Variants in AP1G2 observed in about 807,000 individuals in gnomAD.
AP1G2 encodes the protein adaptor related protein complex 1 subunit gamma 2.
In AP1G2, 85 loss-of-function variants were observed where a neutral mutation model predicts 95.8. The observed-to-expected ratio is 0.89, with a 90% CI of 0.74 to 1.06. The LOEUF (loss-of-function observed/expected upper bound fraction) is 1.06, where lower values mean the gene tolerates loss of function less well. Ranked by LOEUF, AP1G2 falls within the 50% of genes least tolerant of loss-of-function variation. AP1G2 has a pLI of 0.00. For synonymous variants in AP1G2, 378 were observed against 400.0 expected (o/e 0.94, Z 0.66); for missense variants, 967 against 1,005.8 (o/e 0.96, Z 0.52).
At position 23,562,486 on chromosome 14, in the gene AP1G2, C is replaced by T; in HGVS notation, c.1500+18G>A. ...CCCTGACAAGTCCCTCCTCAGTGTA[C>T]CCCCAATGAGGTCTCACCTGAAGGG... On this transcript the variant is annotated intron_variant, in intron 15 of 21. Coordinates refer to ENST00000397120, the MANE Select transcript of AP1G2 (RefSeq NM_003917.5). 2 of 1,081,368 alleles carry T rather than the reference C, an allele frequency of 1.8e-6. No homozygotes were observed. Among genetic ancestry groups the T allele is most frequent in the Non-Finnish European group, 2.6e-6 (2 of 778,482 alleles). The allele number at this position is 1,081,368 out of a possible 1,614,324, so 67.0% of individuals were successfully genotyped here. A position where few individuals can be genotyped will look rare whatever the true frequency, so the allele number is the denominator to read the frequency against.
At position 23,567,047 on chromosome 14, in the gene AP1G2, G is replaced by A. The variant is rs1409390742; in HGVS notation, c.204+64C>T. ...AAAACCAGGGCATAAACAGGTGAGAGAGTCTGGGACTCTGCCCCACTAGCC... is the reference window on the plus strand; with the variant it reads ...AAAACCAGGGCATAAACAGGTGAGAAAGTCTGGGACTCTGCCCCACTAGCC... On this transcript the variant is annotated intron_variant, in intron 2 of 21. Transcript: ENST00000397120. This position sits in a 1 kb window ranked among gnomAD's most constrained non-coding sequence, Gnocchi z 5.3. 40 of 1,511,098 alleles carry A rather than the reference G, an allele frequency of 2.6e-5. No homozygotes were observed. In the Middle Eastern group the frequency reaches 8.6e-4, roughly 33 times the overall value. 93.6% of individuals were successfully genotyped at this position (1,511,098 alleles called of 1,614,324 possible).
At chr14:23,563,954 C>T in intron 11 of AP1G2, 92 bp downstream of exon 11, 1 of 1,602,202 alleles carries the variant, frequency 6.2e-7, no homozygotes, top group Non-Finnish European at 8.5e-7. Context: ...CCTTAGTCCC[C>T]TTACTCCAGC....
At chr14:23,560,439 C>T (rs1883678366) in intron 19 of AP1G2, 21 bp from the exon 20 acceptor site, 1 of 1,606,096 alleles carries the variant, frequency 6.2e-7, no homozygotes, top group Non-Finnish European at 8.5e-7. Context: ...GAGACAGAAG[C>T]AGCTCAGTGT....
Position 23,567,680 on chromosome 14 carries a change from C to A in AP1G2, c.-6+59G>T. The A allele has an allele frequency of 1.1e-6, 1 of 929,750 alleles. No individual in the cohort carries two copies. Among genetic ancestry groups the A allele is most frequent in the Non-Finnish European group, 1.3e-6 (1 of 771,814 alleles). The allele number at this position is 929,750 out of a possible 1,614,324, so 57.6% of individuals were successfully genotyped here. The stretch of plus-strand genomic sequence containing the variant: ...TTCCGCGAGCTTCCTCCCCCGATTT[C>A]CATCTCAGGCAGCGGCAGCGGCAGC... On this transcript the variant is annotated intron_variant, in intron 1 of 21. Coordinates refer to ENST00000397120, the MANE Select transcript of AP1G2 (RefSeq NM_003917.5). This position sits in a 1 kb window ranked among gnomAD's most constrained non-coding sequence, Gnocchi z 5.3.
intron 2 of AP1G2, 110 bp from the exon 3 acceptor site, chr14:23,566,796 T>G (rs1888247632): frequency 1.4e-6 from 2 of 1,436,304 alleles, no homozygotes; most frequent in South Asian, 2.5e-5. Context: ...GCATCATATC[T>G]CATCACTCTC....
At chr14:23,562,444 T>C (rs1473643546) in intron 15 of AP1G2, 29 bp from the exon 16 acceptor site, 1 of 1,614,064 alleles carries the variant, frequency 6.2e-7, no homozygotes, top group South Asian at 1.1e-5. Context: ...TTAGTGGCCC[T>C]GGTGCAAGTC....
Position 23,565,903 on chromosome 14 carries a change from C to T in AP1G2, c.569-11G>A, listed in dbSNP as rs774395521. ...TGCCCAGCAGGATGCCTGGGGTCAGCGTCGGGGAAGTGAATGGTGGGGGCC... is the reference window on the plus strand; with the variant it reads ...TGCCCAGCAGGATGCCTGGGGTCAGTGTCGGGGAAGTGAATGGTGGGGGCC... On this transcript the variant is annotated splice_polypyrimidine_tract_variant and intron_variant, in intron 5 of 21. Transcript: ENST00000397120. 20 of 1,594,030 alleles carry T rather than the reference C, an allele frequency of 1.3e-5. No individual in the cohort carries two copies. The East Asian group carries it at 3.4e-4, about 27-fold the overall frequency.
Position 23,561,367 on chromosome 14 carries a change from GGA to G in AP1G2, c.1920_1921del (p.His642SerfsTer14). 6.3e-7 allele frequency: 1 copy of G among 1,597,748 alleles called. No individual in the cohort carries two copies. Reference sequence around the variant, plus strand: ...ACCTCCTGGGGAGGGGTCCAGATGGGGAGGATGCTGGACATCCCCAGAAGCCC... The same window carrying G: ...ACCTCCTGGGGAGGGGTCCAGATGGGGGATGCTGGACATCCCCAGAAGCCC... On this transcript the variant is annotated frameshift_variant, in exon 19 of 22. Coordinates refer to ENST00000397120, the MANE Select transcript of AP1G2 (RefSeq NM_003917.5). LOFTEE classifies it high-confidence loss of function.
Position 23,566,555 on chromosome 14 carries a change from C to T in AP1G2, c.329+7G>A. On this transcript the variant is annotated splice_region_variant and intron_variant, in intron 3 of 21. Transcript: ENST00000397120. Reference sequence around the variant, plus strand: ...CTGATTCCAAGTGATTGCCAGAACCCTCTCACTTCTTGATGCTGTTGGTAA... The same window carrying T: ...CTGATTCCAAGTGATTGCCAGAACCTTCTCACTTCTTGATGCTGTTGGTAA... 6.2e-7 allele frequency: 1 copy of T among 1,613,912 alleles called. No individual in the cohort carries two copies. The highest frequency in any genetic ancestry group is 1.1e-5 in the South Asian group (1 of 91,084).
Position 23,561,391 on chromosome 14 carries a change from GC to G in AP1G2, c.1897del (p.Ala633LeufsTer48). ...GGGAGGATGCTGGACATCCCCAGAA[GC>G]CCCATCCAGGAGATCTAGCAGATCC... is the stretch of plus-strand genomic sequence containing the variant. ...LLDLLDLLDG[A>X]SGDVQHPPHL... On this transcript the variant is annotated frameshift_variant, in exon 19 of 22. Coordinates refer to ENST00000397120, the MANE Select transcript of AP1G2 (RefSeq NM_003917.5). LOFTEE classifies it high-confidence loss of function. 1 of 1,604,720 alleles carries G rather than the reference GC, an allele frequency of 6.2e-7. No homozygotes were observed.
chr14:23,559,697 G>T lies in AP1G2; in HGVS notation c.*52C>A. 2 of 1,575,142 alleles carry T rather than the reference G, an allele frequency of 1.3e-6. No homozygotes were observed. Among genetic ancestry groups the T allele is most frequent in the Non-Finnish European group, 1.7e-6 (2 of 1,149,488 alleles). On this transcript the variant is annotated 3_prime_UTR_variant, in exon 22 of 22. Transcript: ENST00000397120. Reference sequence around the variant, plus strand: ...TCAGGTGTAGGTTCGAAGCTGCTGGGGCCCCCTGGGGTTTGGGACACAGGA... The same window carrying T: ...TCAGGTGTAGGTTCGAAGCTGCTGGTGCCCCCTGGGGTTTGGGACACAGGA...
chr14:23,561,511 C>T lies in AP1G2; in HGVS notation c.1857+1G>A, dbSNP rs1423993489. On this transcript the variant is annotated splice_donor_variant, in intron 18 of 21. Coordinates refer to ENST00000397120, the MANE Select transcript of AP1G2 (RefSeq NM_003917.5). LOFTEE classifies it high-confidence loss of function. ...TACCCCAGAGTTTCTAGCCTTCTCACCTGGGGCTCTGTGGGCACTGGGGCT... is the reference window on the plus strand; with the variant it reads ...TACCCCAGAGTTTCTAGCCTTCTCATCTGGGGCTCTGTGGGCACTGGGGCT... The T allele has an allele frequency of 6.2e-7, 1 of 1,614,060 alleles. No homozygotes were observed.
At chr14:23,566,770 C>A in intron 2 of AP1G2, 84 bp from the exon 3 acceptor site, 1 of 1,551,298 alleles carries the variant, frequency 6.4e-7, no homozygotes, top group South Asian at 1.1e-5. Flanking sequence ...TCTTTAAAAC[C>A]AGATTAACCT....
intron 7 of AP1G2, 34 bp downstream of exon 7, chr14:23,565,572 G>T: frequency 6.5e-7 from 1 of 1,549,540 alleles, no homozygotes; most frequent in South Asian, 1.1e-5. Flanking sequence ...TGCCCTCTCT[G>T]ATCCAGGGAT....
intron 5 of AP1G2, 26 bp from the exon 6 acceptor site, chr14:23,565,918 T>C (rs763838723): frequency 6.9e-6 from 11 of 1,599,806 alleles, no homozygotes; most frequent in Non-Finnish European, 8.5e-6. Flanking sequence ...GGGAAGTGAA[T>C]GGTGGGGGCC....
At chr14:23,563,274 A>T in intron 14 of AP1G2, 106 bp downstream of exon 14, 4 of 1,515,556 alleles carry the variant, frequency 2.6e-6, no homozygotes, top group Non-Finnish European at 3.5e-6. Context: ...CTGTGTAAGC[A>T]GCTGTGACCT....
intron 5 of AP1G2, 63 bp downstream of exon 5, chr14:23,566,001 T>A (rs1179861131): frequency 6.2e-7 from 1 of 1,613,518 alleles, no homozygotes; most frequent in Non-Finnish European, 8.5e-7. Flanking sequence ...GGGGTTCCCA[T>A]CCGATTTTCA....
Position 23,567,347 on chromosome 14 carries a change from C to T in AP1G2, c.-5-28G>A. The T allele has an allele frequency of 6.2e-7, 1 of 1,601,634 alleles. No individual in the cohort carries two copies. Among genetic ancestry groups the T allele is most frequent in the Non-Finnish European group, 8.5e-7 (1 of 1,176,808 alleles). On this transcript the variant is annotated intron_variant, in intron 1 of 21. Coordinates refer to ENST00000397120, the MANE Select transcript of AP1G2 (RefSeq NM_003917.5). This position sits in a 1 kb window ranked among gnomAD's most constrained non-coding sequence, Gnocchi z 5.3. ...GGCAGAGTCCGGGAGTGGAGAAACA[C>T]TCTCTGGTCGGGCGTGCCTGGGCTT...
In AP1G2 at chr14:23,565,635, T is replaced by G. The variant is rs1887499536; in HGVS notation, c.712A>C (p.Ile238Leu). 1 of 1,614,010 alleles carries G rather than the reference T, an allele frequency of 6.2e-7. No homozygotes were observed. Among genetic ancestry groups the G allele is most frequent in the South Asian group, 1.1e-5 (1 of 91,086 alleles). ...VTMGYSTEHS[I>L]SGVSDPFLQV... is the part of the protein sequence containing the mutation. ...AGGAAGGGGTCGCTGACTCCAGATA[T>G]GCTGTGTTCTGTGGAGTATCCCATT... Residue 238 changes from isoleucine to leucine, a missense_variant, in exon 7 of 22, where the codon ATA (isoleucine) becomes CTA (leucine). Transcript: ENST00000397120.
Sources: allele counts gnomAD v4.1 joint callset, GRCh38; gene constraint gnomAD v4.1.1; non-coding constraint Gnocchi (gnomAD v3.1); transcripts MANE v1.5; gene names NCBI Gene and HGNC (gene_info 2026-07-23, HGNC 2026-07-21).